SHISA9: variants seen among roughly 807,000 people sequenced by gnomAD.
The protein encoded by SHISA9 is shisa family member 9.
Under a neutral mutation model 38.0 loss-of-function variants are expected in SHISA9, and 13 were observed. The ratio of observed to expected loss-of-function variants is 0.34; its 90% CI spans 0.22 to 0.54. SHISA9 has a LOEUF of 0.54. Among genes scored for constraint, SHISA9 ranks in the 20% least tolerant of loss-of-function variants. The probability of loss-of-function intolerance (pLI) is 0.91; values close to 1 mark genes in which losing one functional copy is unlikely to be tolerated. For synonymous variants in SHISA9, 275 were observed against 242.0 expected (o/e 1.14, Z -1.27); for missense variants, 538 against 575.8 (o/e 0.93, Z 0.67).
intron 2 of SHISA9, among the ~76,000 whole-genome samples, chr16:13,108,038 A>T (rs945190933): frequency 6.6e-6 from 1 of 152,114 alleles, no homozygotes; most frequent in Non-Finnish European, 1.5e-5. Context: ...TTAGGTGGTG[A>T]TCAGAGCTGA....
intron 2 of SHISA9, among the ~76,000 whole-genome samples, chr16:12,977,768 G>A (rs141640960): frequency 0.012 from 1,809 of 152,150 alleles, 21 homozygotes; most frequent in Admixed American, 0.023. Flanking sequence ...GCTGAACAAT[G>A]AGAACACATG....
At position 13,223,384 on chromosome 16, in the gene SHISA9, T is replaced by TC. The variant is rs547373683; in HGVS notation, c.895+10085dup. Among the ~76,000 whole-genome samples, 10 of 152,290 alleles carry TC rather than the reference T, an allele frequency of 6.6e-5. No individual in the cohort carries two copies. In the South Asian group the frequency reaches 1.7e-3, roughly 25 times the overall value. On this transcript the variant is annotated intron_variant, in intron 4 of 4. Transcript: ENST00000558583. ...GGGTCAAGTCAGTAGTGAGCTCTGA[T>TC]CATGCCACTGCACTTCAGCCTGGGT...
chr16:13,531,534 GA>G, the SHISA9 span, among the ~76,000 whole-genome samples: 2 of 151,100 alleles, frequency 1.3e-5, no homozygotes, highest in Non-Finnish European at 3.0e-5. Flanking sequence ...CCAAGTACTA[GA>G]GTCCATGATA....
chr16:13,168,708 C>T (rs116176531), intron 2 of SHISA9, among the ~76,000 whole-genome samples: 1,823 of 152,314 alleles, frequency 0.012, 26 homozygotes, highest in African/African-American at 0.04. Context: ...CCTAGTTTCT[C>T]GTATTCTGCA....
At chr16:12,936,299 C>G (rs1469184030) in intron 2 of SHISA9, among the ~76,000 whole-genome samples, 2 of 152,148 alleles carry the variant, frequency 1.3e-5, no homozygotes, top group African/African-American at 4.8e-5. Context: ...GATACTTGAG[C>G]AGTTGGGATC....
intron 2 of SHISA9, among the ~76,000 whole-genome samples, chr16:13,134,645 G>C (rs1421552360): frequency 6.6e-6 from 1 of 152,138 alleles, no homozygotes; most frequent in African/African-American, 2.4e-5. Flanking sequence ...AGATGGGCAG[G>C]GGCTGAATCA....
chr16:13,134,728 A>G (rs778888767), intron 2 of SHISA9, among the ~76,000 whole-genome samples: 4 of 152,088 alleles, frequency 2.6e-5, no homozygotes, highest in Non-Finnish European at 4.4e-5. Context: ...AGTCTAGGCT[A>G]AGTTATGTTG....
chr16:13,230,347 T>C (rs1312796460), intron 4 of SHISA9, among the ~76,000 whole-genome samples: 5 of 152,060 alleles, frequency 3.3e-5, no homozygotes, highest in African/African-American at 1.2e-4. Context: ...AGGAGGCCAG[T>C]TTGGTTACTG....
At chr16:13,523,631 G>A in the SHISA9 span, among the ~76,000 whole-genome samples, 23 of 152,160 alleles carry the variant, frequency 1.5e-4, no homozygotes, top group Admixed American at 7.2e-4. Context: ...TGGGGGAGGT[G>A]CTACACACTT....
intron 2 of SHISA9, among the ~76,000 whole-genome samples, chr16:13,124,987 A>G (rs2050243918): frequency 6.6e-6 from 1 of 152,244 alleles, no homozygotes; most frequent in Non-Finnish European, 1.5e-5. Flanking sequence ...TTAAAGACTT[A>G]GATCTAAGAA....
At chr16:13,037,946 T>A (rs993092559) in intron 2 of SHISA9, among the ~76,000 whole-genome samples, 3 of 152,178 alleles carry the variant, frequency 2.0e-5, no homozygotes, top group African/African-American at 7.2e-5. Flanking sequence ...TACTTGGGGA[T>A]CCCTGAAAGC....
chr16:13,408,700 CT>C, the SHISA9 span, among the ~76,000 whole-genome samples: 1 of 152,200 alleles, frequency 6.6e-6, no homozygotes, highest in Non-Finnish European at 1.5e-5. Context: ...CACAGCCTAA[CT>C]TTTGCCTTCA....
chr16:13,184,713 ATCTGGCATTCGAG>A (rs557866473), intron 2 of SHISA9, among the ~76,000 whole-genome samples: 149 of 152,334 alleles, frequency 9.8e-4, no homozygotes, highest in African/African-American at 3.5e-3. Flanking sequence ...ATCAGACAGT[ATCTGGCATTCGAG>A]TCTGGCTTCT....
chr16:13,026,298 G>A (rs1212087103), intron 2 of SHISA9, among the ~76,000 whole-genome samples: 1 of 152,144 alleles, frequency 6.6e-6, no homozygotes, highest in East Asian at 1.9e-4. Context: ...TGACGTTAGA[G>A]TCCTTATTGA....
rs759908367 is a variant in SHISA9, at chr16:13,003,859, A to AAATAATAAT, written c.691+87068_691+87076dup. 5.5e-3 allele frequency among the ~76,000 whole-genome samples: 776 copies of AAATAATAAT among 140,676 alleles called. 5 individuals are homozygous for AAATAATAAT. Among genetic ancestry groups the AAATAATAAT allele is most frequent in the Non-Finnish European group, 5.9e-3 (397 of 66,796 alleles). The allele number at this position is 140,676 out of a possible 152,430, so 92.3% of individuals were successfully genotyped here. ...GACGACAGAGCGAGACTCCGTCTCA[A>AAATAATAAT]AATAATAATAATAATAATAATAATA... On this transcript the variant is annotated intron_variant, in intron 2 of 4. Coordinates refer to ENST00000558583, the MANE Select transcript of SHISA9 (RefSeq NM_001145204.3).
chr16:13,195,765 C>T (rs1439883960), intron 2 of SHISA9, among the ~76,000 whole-genome samples: 2 of 152,054 alleles, frequency 1.3e-5, no homozygotes, highest in Non-Finnish European at 2.9e-5. Context: ...AACCCATAAC[C>T]CCAATCTAAT....
At chr16:13,402,448 G>A in the SHISA9 span, among the ~76,000 whole-genome samples, 27 of 151,892 alleles carry the variant, frequency 1.8e-4, no homozygotes, top group African/African-American at 4.1e-4. Context: ...CCCTTCCTCC[G>A]CTTTTTTGTT....
the SHISA9 span, among the ~76,000 whole-genome samples, chr16:13,522,228 C>T: frequency 6.6e-6 from 1 of 152,130 alleles, no homozygotes; most frequent in Non-Finnish European, 1.5e-5. Flanking sequence ...GAAGATTTTC[C>T]ATTGTGATGC....
At chr16:13,051,420 G>C (rs533911557) in intron 2 of SHISA9, among the ~76,000 whole-genome samples, 1 of 152,172 alleles carries the variant, frequency 6.6e-6, no homozygotes, top group Non-Finnish European at 1.5e-5. Flanking sequence ...AATTCAAGGA[G>C]AGATTTGGAT....
Sources: allele counts gnomAD v4.1 joint callset (sites outside exome capture counted in the v4.1 genomes callset), GRCh38; gene constraint gnomAD v4.1.1; transcripts MANE v1.5; gene names NCBI Gene and HGNC (gene_info 2026-07-23, HGNC 2026-07-21).